The following NCKAP5 variants were observed in gnomAD, a reference collection of about 807,000 sequenced individuals.
NCKAP5 encodes NCK associated protein 5, also known as nck-associated protein 5.
A neutral mutation model predicts 167.0 loss-of-function variants in NCKAP5; 92 were observed. The ratio of observed to expected loss-of-function variants is 0.55; its 90% confidence interval spans 0.47 to 0.66. The LOEUF is 0.66. Ranked by LOEUF, NCKAP5 falls within the 30% of genes least tolerant of loss-of-function variation. The pLI, the probability that NCKAP5 is intolerant of heterozygous loss-of-function variation, is 0.00. For missense variants in NCKAP5, 2,378 were observed against 2,315.0 expected (o/e 1.03, Z -0.56); for synonymous variants, 891 against 877.4 (o/e 1.02, Z -0.27).
At chr2:133,205,273 C>T (rs192464886) in intron 5 of NCKAP5, among the ~76,000 whole-genome samples, 1 of 111,410 alleles carries the variant, frequency 9.0e-6, no homozygotes, top group Non-Finnish European at 2.0e-5. Context: ...GTCTGGGTAA[C>T]ACAGCCAGAC....
intron 3 of NCKAP5, among the ~76,000 whole-genome samples, chr2:133,506,387 C>T (rs1174841912): frequency 6.6e-6 from 1 of 152,174 alleles, no homozygotes. Flanking sequence ...GTGCTGGATA[C>T]ACTCGTTTGG....
At chr2:133,608,023 G>T in the NCKAP5 span, among the ~76,000 whole-genome samples, 1 of 152,168 alleles carries the variant, frequency 6.6e-6, no homozygotes, top group South Asian at 2.1e-4. Context: ...TCAGTGATTT[G>T]GGAAACTTTT....
intron 3 of NCKAP5, among the ~76,000 whole-genome samples, chr2:133,307,496 G>A (rs1394715584): frequency 6.6e-6 from 1 of 151,580 alleles, no homozygotes; most frequent in African/African-American, 2.4e-5. Context: ...CACAAGAGTT[G>A]AAAAAAAATA....
chr2:132,832,531 C>A (rs911455330), intron 11 of NCKAP5, among the ~76,000 whole-genome samples: 2 of 152,160 alleles, frequency 1.3e-5, no homozygotes, highest in African/African-American at 4.8e-5. Flanking sequence ...CCAGCCACAC[C>A]CCATCCAAGT....
chr2:133,357,556 G>A (rs966648789), intron 3 of NCKAP5, among the ~76,000 whole-genome samples: 2 of 152,124 alleles, frequency 1.3e-5, no homozygotes, highest in Non-Finnish European at 2.9e-5. Context: ...ATGAATCTAT[G>A]TAAAGATCTT....
In NCKAP5 at chr2:132,784,761, G is replaced by A. The variant is rs1683399368; in HGVS notation, c.2050C>T (p.His684Tyr). 1.9e-6 allele frequency: 3 copies of A among 1,613,286 alleles called. No homozygotes were observed. Among genetic ancestry groups the A allele is most frequent in the Non-Finnish European group, 2.5e-6 (3 of 1,179,506 alleles). ...GTAACAGTGACAACCCCAGTCTGGTGAGAGCTGAATTCAATGGGCTCACCG... is the reference window on the plus strand; with the variant it reads ...GTAACAGTGACAACCCCAGTCTGGTAAGAGCTGAATTCAATGGGCTCACCG... ...EDGEPIEFSS[H>Y]QTGVVTVTRN... Residue 684 changes from histidine to tyrosine, a missense_variant, in exon 14 of 20, where the codon CAC (histidine) becomes TAC (tyrosine). His to Tyr is a moderately conservative substitution (Grantham distance 83). Transcript: ENST00000409261.
intron 3 of NCKAP5, among the ~76,000 whole-genome samples, chr2:133,387,038 C>A (rs1687027946): frequency 6.6e-6 from 1 of 152,150 alleles, no homozygotes; most frequent in African/African-American, 2.4e-5. Context: ...GCATTTAGCC[C>A]ATTTACATTT....
chr2:133,480,312 C>T (rs778046187), intron 3 of NCKAP5, among the ~76,000 whole-genome samples: 8 of 152,078 alleles, frequency 5.3e-5, no homozygotes, highest in Non-Finnish European at 1.2e-4. Context: ...GAGTACCTTA[C>T]CAGGTAGTAA....
chr2:133,649,927 G>C, the NCKAP5 span, among the ~76,000 whole-genome samples: 2 of 151,952 alleles, frequency 1.3e-5, no homozygotes, highest in African/African-American at 4.8e-5. Context: ...TCTTTTTGCA[G>C]ATGACATGAT....
At chr2:133,664,471 T>A in the NCKAP5 span, among the ~76,000 whole-genome samples, 25 of 152,290 alleles carry the variant, frequency 1.6e-4, 1 homozygote, top group East Asian at 4.8e-3. Flanking sequence ...AATATAAGGC[T>A]ATTTCACCTA....
chr2:133,509,562 A>T (rs989753469), intron 3 of NCKAP5, among the ~76,000 whole-genome samples: 2 of 152,152 alleles, frequency 1.3e-5, no homozygotes, highest in Non-Finnish European at 2.9e-5. Context: ...CATTCATTTT[A>T]CTGAGCTTTT....
chr2:133,452,617 T>C (rs960794778), intron 3 of NCKAP5, among the ~76,000 whole-genome samples: 2 of 152,182 alleles, frequency 1.3e-5, no homozygotes, highest in African/African-American at 4.8e-5. Flanking sequence ...AACACCTGTT[T>C]AACCATTTCT....
chr2:133,106,001 G>A (rs529658680), intron 6 of NCKAP5, among the ~76,000 whole-genome samples: 7 of 151,898 alleles, frequency 4.6e-5, no homozygotes, highest in Admixed American at 1.3e-4. Flanking sequence ...ACCTAAACCC[G>A]TCCCTCCTTT....
chr2:132,811,463 G>A (rs1387261801), intron 11 of NCKAP5, among the ~76,000 whole-genome samples: 1 of 152,064 alleles, frequency 6.6e-6, no homozygotes, highest in African/African-American at 2.4e-5. Context: ...AGGAGATGGG[G>A]GTGAGATTCC....
chr2:133,456,461 T>C (rs944357030), intron 3 of NCKAP5, among the ~76,000 whole-genome samples: 6 of 152,150 alleles, frequency 3.9e-5, no homozygotes, highest in Admixed American at 1.3e-4. Context: ...GTGATAAGAA[T>C]GGCGGGACAG....
At chr2:132,857,043 T>A (rs1689525999) in intron 11 of NCKAP5, among the ~76,000 whole-genome samples, 1 of 152,082 alleles carries the variant, frequency 6.6e-6, no homozygotes, top group South Asian at 2.1e-4. Flanking sequence ...AATTGGTGAG[T>A]GCTGTAAAGT....
intron 3 of NCKAP5, among the ~76,000 whole-genome samples, chr2:133,326,458 C>CAAAAA (rs34750625): frequency 1.1e-3 from 55 of 48,482 alleles, no homozygotes; most frequent in Middle Eastern, 0.016. Context: ...TCAGTCTCAA[C>CAAAAA]AAAAAAAAAA....
Position 132,684,021 on chromosome 2 carries a change from A to G in NCKAP5, c.5714-10716T>C, listed in dbSNP as rs576530860. 2.6e-5 allele frequency among the ~76,000 whole-genome samples: 4 copies of G among 152,366 alleles called. No individual in the cohort carries two copies. In the South Asian group the frequency reaches 8.3e-4, roughly 32 times the overall value. On this transcript the variant is annotated intron_variant, in intron 19 of 19. Transcript: ENST00000409261. The stretch of plus-strand genomic sequence containing the variant: ...TTAGTCTCTCTCTGCCACATGAAAT[A>G]TATTCATTCAGCAACTTGAATATTG...
At chr2:133,314,451 T>G (rs1047472538) in intron 3 of NCKAP5, among the ~76,000 whole-genome samples, 21 of 152,252 alleles carry the variant, frequency 1.4e-4, no homozygotes, top group South Asian at 1.0e-3. Flanking sequence ...ATATTTTGCA[T>G]CTCTGAGAAG....
Sources: allele counts gnomAD v4.1 joint callset (sites outside exome capture counted in the v4.1 genomes callset), GRCh38; gene constraint gnomAD v4.1.1; transcripts MANE v1.5; gene names NCBI Gene and HGNC (gene_info 2026-07-23, HGNC 2026-07-21).